The following RAB8B variants were observed in gnomAD, a reference collection of about 807,000 sequenced individuals.
RAB8B encodes ras-related protein Rab-8B.
A neutral mutation model predicts 32.0 loss-of-function variants in RAB8B; 11 were observed. The ratio of observed to expected loss-of-function variants is 0.34; its 90% CI spans 0.22 to 0.57. The LOEUF (loss-of-function observed/expected upper bound fraction) is 0.57. Among genes scored for constraint, RAB8B ranks in the 20% least tolerant of loss-of-function variants. RAB8B has a pLI of 0.86. For synonymous variants in RAB8B, 103 were observed against 89.6 expected (o/e 1.15, Z -0.85); for missense variants, 190 against 258.5 (o/e 0.73, Z 1.82).
intron 3 of RAB8B, among the ~76,000 whole-genome samples, chr15:63,252,670 G>A (rs1042550799): frequency 6.6e-6 from 1 of 150,904 alleles, no homozygotes; most frequent in Non-Finnish European, 1.5e-5. Flanking sequence ...ACTTTGAATT[G>A]TTTTTATTGT....
intron 1 of RAB8B, among the ~76,000 whole-genome samples, chr15:63,200,643 C>G (rs368456933): frequency 8.9e-6 from 1 of 112,718 alleles, no homozygotes; most frequent in Non-Finnish European, 1.9e-5. Context: ...AAAAGCATGA[C>G]AAGACAAAAA....
intron 1 of RAB8B, among the ~76,000 whole-genome samples, chr15:63,228,684 C>T (rs919502703): frequency 6.6e-6 from 1 of 152,208 alleles, no homozygotes; most frequent in Non-Finnish European, 1.5e-5. Flanking sequence ...CACACTAGCT[C>T]TTTCAGATGG....
At chr15:63,252,795 C>A (rs1567020529) in intron 3 of RAB8B, among the ~76,000 whole-genome samples, 2 of 148,938 alleles carry the variant, frequency 1.3e-5, no homozygotes, top group Admixed American at 6.7e-5. Flanking sequence ...GTTGCCCAGG[C>A]TGGAGTGCAA....
At chr15:63,223,985 TC>T (rs2037868948) in intron 1 of RAB8B, 2 of 256,226 alleles carry the variant, frequency 7.8e-6, no homozygotes, top group Admixed American at 4.5e-5. Context: ...GTTGGGTAAG[TC>T]ACTCATTCTC....
intron 5 of RAB8B, among the ~76,000 whole-genome samples, chr15:63,257,771 T>C (rs2038169825): frequency 6.6e-6 from 1 of 152,112 alleles, no homozygotes; most frequent in South Asian, 2.1e-4. Flanking sequence ...TTTATTAAAA[T>C]TAATTAAGGC....
At chr15:63,255,478 C>G (rs1213617102) in intron 3 of RAB8B, 29 bp from the exon 4 acceptor site, 1 of 1,448,670 alleles carries the variant, frequency 6.9e-7, no homozygotes. Flanking sequence ...ATATAAAGTA[C>G]TAAATAAAGA....
chr15:63,213,830 C>T (rs921086993), intron 1 of RAB8B, among the ~76,000 whole-genome samples: 7 of 152,136 alleles, frequency 4.6e-5, no homozygotes, highest in Non-Finnish European at 7.4e-5. Context: ...CGCCTGTAAT[C>T]CCAGCACTTT....
chr15:63,256,643 A>T (rs745354999), intron 5 of RAB8B, 49 bp downstream of exon 5: 2 of 1,300,314 alleles, frequency 1.5e-6, no homozygotes, highest in Admixed American at 4.7e-5. Context: ...CACATTAAGC[A>T]TTTCTTTTCT....
intron 5 of RAB8B, among the ~76,000 whole-genome samples, chr15:63,256,835 A>G (rs2038162529): frequency 6.6e-6 from 1 of 152,222 alleles, no homozygotes; most frequent in African/African-American, 2.4e-5. Flanking sequence ...TCTGGGAGAT[A>G]CAAATTGGTC....
rs2038181216 is a variant in RAB8B, at chr15:63,259,109, T to C, written c.415-518T>C. Among the ~76,000 whole-genome samples the C allele has an allele frequency of 6.6e-6, 1 of 151,956 alleles. No homozygotes were observed. Among genetic ancestry groups the C allele is most frequent in the Admixed American group, 6.6e-5 (1 of 15,258 alleles). On this transcript the variant is annotated intron_variant, in intron 5 of 7. Transcript: ENST00000321437. This position sits in a 1 kb window ranked among gnomAD's most constrained non-coding sequence, Gnocchi z 4.4. ...AAAAAAAGAGAAGTACTTAAATTAT[T>C]ATTATTATTTTATTTATTTATTTAT...
intron 1 of RAB8B, among the ~76,000 whole-genome samples, chr15:63,214,294 T>TC (rs2063183640): frequency 7.1e-6 from 1 of 140,918 alleles, no homozygotes; most frequent in South Asian, 2.4e-4. Flanking sequence ...TTCTTTTTTT[T>TC]TTTTTTTTTT....
At chr15:63,199,333 C>T (rs1241358292) in intron 1 of RAB8B, among the ~76,000 whole-genome samples, 1 of 152,176 alleles carries the variant, frequency 6.6e-6, no homozygotes, top group Non-Finnish European at 1.5e-5. Context: ...TGACCTTTGA[C>T]TTCGATTTTT....
chr15:63,190,833 C>T (rs774030721), intron 1 of RAB8B, among the ~76,000 whole-genome samples: 4 of 152,158 alleles, frequency 2.6e-5, no homozygotes, highest in Non-Finnish European at 4.4e-5. Context: ...TACCTGCCTC[C>T]CTGTATATTT....
chr15:63,222,223 ACT>A (rs1180272548), intron 1 of RAB8B, among the ~76,000 whole-genome samples: 2 of 150,964 alleles, frequency 1.3e-5, no homozygotes, highest in Non-Finnish European at 3.0e-5. Context: ...TTGTCCAGTG[ACT>A]CTATGTCTTC....
chr15:63,205,389 T>G (rs1296600483), intron 1 of RAB8B, among the ~76,000 whole-genome samples: 1 of 152,128 alleles, frequency 6.6e-6, no homozygotes, highest in Non-Finnish European at 1.5e-5. Context: ...TCCCAGCTAT[T>G]CAGGAGGCTG....
chr15:63,206,239 T>A (rs972677905), intron 1 of RAB8B, among the ~76,000 whole-genome samples: 20 of 152,224 alleles, frequency 1.3e-4, no homozygotes, highest in African/African-American at 4.8e-4. Flanking sequence ...TATTTATCTA[T>A]AGTAATAAAT....
At chr15:63,240,417 A>T (rs959457077) in intron 1 of RAB8B, among the ~76,000 whole-genome samples, 1 of 152,126 alleles carries the variant, frequency 6.6e-6, no homozygotes, top group Non-Finnish European at 1.5e-5. Flanking sequence ...GATCCTGTCA[A>T]CCTTTTTTTA....
At chr15:63,206,283 T>G (rs1422033210) in intron 1 of RAB8B, among the ~76,000 whole-genome samples, 2 of 152,188 alleles carry the variant, frequency 1.3e-5, no homozygotes, top group African/African-American at 2.4e-5. Context: ...CACATAAATA[T>G]GTACAGTTCC....
At chr15:63,262,061 G>C (rs1040795066) in intron 6 of RAB8B, among the ~76,000 whole-genome samples, 1 of 152,300 alleles carries the variant, frequency 6.6e-6, no homozygotes, top group Non-Finnish European at 1.5e-5. Flanking sequence ...AAGAGTGAGA[G>C]CAATTTGAAA....
Sources: gnomAD v4.1 joint callset for allele counts (sites outside exome capture counted in the v4.1 genomes callset) on GRCh38, gnomAD v4.1.1 for gene constraint, Gnocchi (gnomAD v3.1) non-coding constraint, MANE v1.5 for transcripts, NCBI Gene and HGNC (gene_info 2026-07-23, HGNC 2026-07-21) for gene names.